TRPS1: variants seen among roughly 807,000 people sequenced by gnomAD.
TRPS1 encodes the protein transcriptional repressor GATA binding 1, also known as zinc finger transcription factor Trps1.
TRPS1 carries 6 observed loss-of-function variants against 101.2 expected under a neutral mutation model. That is an observed-to-expected ratio of 0.06 (90% CI 0.03 to 0.12). The LOEUF (loss-of-function observed/expected upper bound fraction) is 0.12, where lower values mean the gene tolerates loss of function less well. Among genes scored for constraint, TRPS1 ranks in the 10% least tolerant of loss-of-function variants. TRPS1 has a pLI of 1.00. For missense variants in TRPS1, 1,363 were observed against 1,567.0 expected (o/e 0.87, Z 2.20); for synonymous variants, 578 against 589.8 (o/e 0.98, Z 0.29).
intron 5 of TRPS1, among the ~76,000 whole-genome samples, chr8:115,453,510 G>A (rs557193213): frequency 2.2e-4 from 33 of 152,004 alleles, no homozygotes; most frequent in Admixed American, 1.8e-3. Flanking sequence ...TGTATGTGTA[G>A]ATATCTCAGT....
intron 3 of TRPS1, among the ~76,000 whole-genome samples, chr8:115,612,859 C>T (rs1481183592): frequency 6.6e-6 from 1 of 152,188 alleles, no homozygotes; most frequent in Non-Finnish European, 1.5e-5. Flanking sequence ...TCAAATTGGA[C>T]ACTCTAAAGG....
intron 5 of TRPS1, among the ~76,000 whole-genome samples, chr8:115,426,464 T>G (rs1012952857): frequency 2.0e-5 from 3 of 152,174 alleles, no homozygotes; most frequent in Non-Finnish European, 4.4e-5. Flanking sequence ...TAATATTTCA[T>G]GTATTACACC....
chr8:115,566,118 G>A (rs1371308334), intron 5 of TRPS1, among the ~76,000 whole-genome samples: 1 of 152,026 alleles, frequency 6.6e-6, no homozygotes, highest in Non-Finnish European at 1.5e-5. Flanking sequence ...AATGTGCATG[G>A]GCAAAAGTTA....
At chr8:115,435,063 A>G (rs1449718268) in intron 5 of TRPS1, among the ~76,000 whole-genome samples, 1 of 152,198 alleles carries the variant, frequency 6.6e-6, no homozygotes, top group East Asian at 1.9e-4. Context: ...ATTTAATACA[A>G]GTGCTAATCA....
chr8:115,553,369 G>A (rs1005294208), intron 5 of TRPS1, among the ~76,000 whole-genome samples: 4 of 151,976 alleles, frequency 2.6e-5, no homozygotes, highest in East Asian at 3.9e-4. Context: ...ATCAACAAAT[G>A]AATTATCCAC....
chr8:115,484,056 T>C (rs564780822), intron 5 of TRPS1, among the ~76,000 whole-genome samples: 30 of 152,292 alleles, frequency 2.0e-4, no homozygotes, highest in African/African-American at 7.2e-4. Context: ...GAGAAAAATA[T>C]AACAATCTTC....
intron 1 of TRPS1, among the ~76,000 whole-genome samples, chr8:115,628,312 C>T (rs1005415969): frequency 5.9e-5 from 9 of 151,870 alleles, no homozygotes; most frequent in Admixed American, 4.6e-4. Flanking sequence ...AATCCATTCA[C>T]GCAACAAAAG....
At chr8:115,600,445 G>A (rs939366418) in intron 4 of TRPS1, among the ~76,000 whole-genome samples, 1 of 152,132 alleles carries the variant, frequency 6.6e-6, no homozygotes, top group African/African-American at 2.4e-5. Flanking sequence ...AGAAGTCAGA[G>A]GAAGAACTAA....
chr8:115,466,658 AG>A (rs1019905091), intron 5 of TRPS1, among the ~76,000 whole-genome samples: 2 of 152,150 alleles, frequency 1.3e-5, no homozygotes, highest in Middle Eastern at 3.4e-3. Flanking sequence ...ATAAAAGAGA[AG>A]GGGGGCGGGG....
intron 5 of TRPS1, among the ~76,000 whole-genome samples, chr8:115,482,254 T>C (rs772521224): frequency 2.6e-5 from 4 of 152,184 alleles, no homozygotes; most frequent in Non-Finnish European, 5.9e-5. Context: ...TATGTGTATG[T>C]TTAGTTGTTT....
intron 5 of TRPS1, among the ~76,000 whole-genome samples, chr8:115,564,491 A>G (rs913273853): frequency 1.3e-5 from 2 of 152,138 alleles, no homozygotes; most frequent in Admixed American, 6.6e-5. Context: ...TGAAGCAAAA[A>G]TCAATTGTAA....
intron 5 of TRPS1, among the ~76,000 whole-genome samples, chr8:115,503,259 CA>C (rs3069083): frequency 5.4e-5 from 7 of 128,798 alleles, no homozygotes; most frequent in Admixed American, 8.1e-5. Context: ...GACTCTGTCT[CA>C]AAAAAAAAAA....
chr8:115,433,276 C>T (rs948846614), intron 5 of TRPS1, among the ~76,000 whole-genome samples: 2 of 151,590 alleles, frequency 1.3e-5, no homozygotes, highest in African/African-American at 4.8e-5. Context: ...CAGGTTTTTA[C>T]TTTTGAAAAA....
At chr8:115,525,032 CT>C (rs3840691) in intron 5 of TRPS1, among the ~76,000 whole-genome samples, 93,328 of 151,854 alleles carry the variant, frequency 0.61, 29,154 homozygotes, top group East Asian at 0.84. Context: ...AGAAGTACAT[CT>C]TTTAAAGATA....
intron 5 of TRPS1, among the ~76,000 whole-genome samples, chr8:115,457,924 G>T (rs1336755589): frequency 6.6e-6 from 1 of 152,142 alleles, no homozygotes; most frequent in Non-Finnish European, 1.5e-5. Flanking sequence ...CTGTGTGTTA[G>T]GTGTAGACAT....
intron 5 of TRPS1, among the ~76,000 whole-genome samples, chr8:115,441,902 T>A (rs867219442): frequency 1.3e-5 from 2 of 150,312 alleles, no homozygotes; most frequent in African/African-American, 5.0e-5. Context: ...AGAGAGAGTG[T>A]GTGTGTGTGT....
intron 5 of TRPS1, among the ~76,000 whole-genome samples, chr8:115,576,084 T>TGC (rs1817311119): frequency 1.3e-5 from 2 of 152,140 alleles, no homozygotes; most frequent in Non-Finnish European, 2.9e-5. Flanking sequence ...CTTACTTTCC[T>TGC]TTAACTTCAT....
chr8:115,667,848 G>C, intron 1 of TRPS1: 1 of 1,530,636 alleles, frequency 6.5e-7, no homozygotes, highest in South Asian at 1.2e-5. Context: ...AGACCCTCCC[G>C]ACCCTCCCGA....
In TRPS1 at chr8:115,418,554, C is replaced by G. The variant is rs184312330; in HGVS notation, c.2701-102G>C. On this transcript the variant is annotated intron_variant, in intron 5 of 6. Coordinates refer to ENST00000395715, the MANE Select transcript of TRPS1 (RefSeq NM_014112.5). This position sits in a 1 kb window ranked among gnomAD's most constrained non-coding sequence, Gnocchi z 4.3. ...TTTGTCTTTAAACTAGCAACAATGA[C>G]AGTATAAAACCACACTGCCCATAAT... is the stretch of plus-strand genomic sequence containing the variant. The G allele has an allele frequency of 1.3e-6, 2 of 1,511,578 alleles. No individual in the cohort carries two copies. The highest frequency in any genetic ancestry group is 2.7e-5 in the African/African-American group (2 of 72,806). 93.6% of individuals were successfully genotyped at this position (1,511,578 alleles called of 1,614,324 possible). A position where few individuals can be genotyped will look rare whatever the true frequency, so the allele number is the denominator to read the frequency against.
Sources: gnomAD v4.1 joint callset for allele counts (sites outside exome capture counted in the v4.1 genomes callset) on GRCh38, gnomAD v4.1.1 for gene constraint, Gnocchi (gnomAD v3.1) non-coding constraint, MANE v1.5 for transcripts, NCBI Gene and HGNC (gene_info 2026-07-23, HGNC 2026-07-21) for gene names.